Variants in SLC10A7 observed in about 807,000 individuals in gnomAD.
SLC10A7 encodes sodium/bile acid cotransporter 7.
SLC10A7 carries 29 observed loss-of-function variants against 43.2 expected under a neutral mutation model. The observed-to-expected ratio is 0.67, with a 90% CI of 0.50 to 0.92. The LOEUF (loss-of-function observed/expected upper bound fraction) is 0.92. Among genes scored for constraint, SLC10A7 ranks in the 40% least tolerant of loss-of-function variants. SLC10A7 has a pLI of 0.00. For synonymous variants in SLC10A7, 152 were observed against 144.8 expected (o/e 1.05, Z -0.35); for missense variants, 295 against 403.2 (o/e 0.73, Z 2.30).
rs139312208 is a variant in SLC10A7, at chr4:146,470,951, T to C, written c.397-28130A>G. Among the ~76,000 whole-genome samples, 675 of 152,324 alleles carry C rather than the reference T, an allele frequency of 4.4e-3. 6 individuals are homozygous for C. The highest frequency in any genetic ancestry group is 7.3e-3 in the Admixed American group (111 of 15,300). ...TCACTTCATGCAATAGGTACAATGC[T>C]AAGTAAAAAACATGAGATGTATTTA... On this transcript the variant is annotated intron_variant, in intron 4 of 11. Coordinates refer to ENST00000335472, the MANE Select transcript of SLC10A7 (RefSeq NM_001029998.6).
chr4:146,265,233 C>T lies in SLC10A7; in HGVS notation c.848-6396G>A, dbSNP rs142692189. Among the ~76,000 whole-genome samples the T allele has an allele frequency of 1.5e-3, 224 of 152,326 alleles. 2 individuals carry two copies. Among genetic ancestry groups the T allele is most frequent in the African/African-American group, 5.1e-3 (212 of 41,568 alleles). ...AGGTTTAGAGCAGTTAAGTACCTTG[C>T]CTAATGGCCTACGCTGGTATGCAGT... On this transcript the variant is annotated intron_variant, in intron 10 of 11. Transcript: ENST00000335472.
intron 4 of SLC10A7, among the ~76,000 whole-genome samples, chr4:146,484,824 T>C (rs1734778675): frequency 6.6e-6 from 1 of 152,206 alleles, no homozygotes; most frequent in African/African-American, 2.4e-5. Context: ...AAATTTTAAA[T>C]TAGATCAATT....
intron 9 of SLC10A7, among the ~76,000 whole-genome samples, chr4:146,291,070 T>C (rs1578801829): frequency 6.6e-6 from 1 of 152,176 alleles, no homozygotes; most frequent in Non-Finnish European, 1.5e-5. Flanking sequence ...TAGTGGCTGC[T>C]CTATGTTCTA....
chr4:146,350,936 A>G (rs373601146), intron 5 of SLC10A7, among the ~76,000 whole-genome samples: 3 of 146,504 alleles, frequency 2.0e-5, no homozygotes, highest in African/African-American at 7.8e-5. Flanking sequence ...TGGGGAAAAA[A>G]CAGAACAGAA....
intron 4 of SLC10A7, among the ~76,000 whole-genome samples, chr4:146,487,086 G>A (rs1734984393): frequency 6.6e-6 from 1 of 152,132 alleles, no homozygotes; most frequent in Admixed American, 6.5e-5. Context: ...TCTATAAGCA[G>A]CACCTTCTCT....
At chr4:146,347,669 A>G (rs1199911127) in intron 5 of SLC10A7, among the ~76,000 whole-genome samples, 1 of 152,196 alleles carries the variant, frequency 6.6e-6, no homozygotes, top group Non-Finnish European at 1.5e-5. Flanking sequence ...GCAAAAATGG[A>G]AAATTCAAAG....
intron 5 of SLC10A7, among the ~76,000 whole-genome samples, chr4:146,336,388 C>A (rs1578916818): frequency 6.6e-6 from 1 of 152,086 alleles, no homozygotes; most frequent in African/African-American, 2.4e-5. Context: ...CTTTGTAACT[C>A]CTTACAACCC....
chr4:146,260,784 C>T (rs1424800187), intron 10 of SLC10A7, among the ~76,000 whole-genome samples: 1 of 152,150 alleles, frequency 6.6e-6, no homozygotes, highest in African/African-American at 2.4e-5. Context: ...AGGGAGAGGG[C>T]CTGGCATGCA....
chr4:146,319,615 T>A (rs1732558298), intron 6 of SLC10A7, among the ~76,000 whole-genome samples: 1 of 152,080 alleles, frequency 6.6e-6, no homozygotes, highest in Non-Finnish European at 1.5e-5. Flanking sequence ...TGGGATGGTG[T>A]CTGGCATGCA....
intron 5 of SLC10A7, among the ~76,000 whole-genome samples, chr4:146,360,480 G>A (rs1447719688): frequency 6.6e-6 from 1 of 151,662 alleles, no homozygotes; most frequent in East Asian, 1.9e-4. Context: ...TTGCTTTGTT[G>A]CCCAGGCTGG....
At chr4:146,479,408 T>C (rs1734276021) in intron 4 of SLC10A7, among the ~76,000 whole-genome samples, 1 of 152,156 alleles carries the variant, frequency 6.6e-6, no homozygotes, top group Non-Finnish European at 1.5e-5. Context: ...GATGAAAATG[T>C]TCAGAAGATA....
intron 4 of SLC10A7, among the ~76,000 whole-genome samples, chr4:146,467,187 A>G (rs1432747704): frequency 3.9e-5 from 6 of 152,002 alleles, no homozygotes; most frequent in African/African-American, 1.5e-4. Context: ...TTTCCATTCC[A>G]TCTTCAGGGT....
chr4:146,393,737 T>C (rs1055887139), intron 5 of SLC10A7, among the ~76,000 whole-genome samples: 2 of 152,202 alleles, frequency 1.3e-5, no homozygotes, highest in Non-Finnish European at 2.9e-5. Context: ...AAGTTGAAAT[T>C]GGGATAAATT....
chr4:146,347,722 C>T (rs1228071956), intron 5 of SLC10A7, among the ~76,000 whole-genome samples: 1 of 152,106 alleles, frequency 6.6e-6, no homozygotes, highest in Non-Finnish European at 1.5e-5. Context: ...TGTTTGTGTA[C>T]TGGTGCTGTC....
intron 1 of SLC10A7, among the ~76,000 whole-genome samples, chr4:146,518,248 T>C (rs762467908): frequency 6.6e-6 from 1 of 152,354 alleles, no homozygotes; most frequent in Non-Finnish European, 1.5e-5. Flanking sequence ...TATACCTATA[T>C]AGCAGTGGTT....
chr4:146,342,593 T>C (rs921832671), intron 5 of SLC10A7, among the ~76,000 whole-genome samples: 2 of 151,706 alleles, frequency 1.3e-5, no homozygotes, highest in African/African-American at 4.8e-5. Flanking sequence ...AGTACTATTA[T>C]TAAAATTTAC....
At chr4:146,433,575 T>A (rs1463273673) in intron 5 of SLC10A7, among the ~76,000 whole-genome samples, 1 of 152,048 alleles carries the variant, frequency 6.6e-6, no homozygotes, top group Non-Finnish European at 1.5e-5. Flanking sequence ...TGTAAGATGA[T>A]AAATTGAGGG....
chr4:146,455,432 T>C (rs1731961813), intron 4 of SLC10A7, among the ~76,000 whole-genome samples: 1 of 151,898 alleles, frequency 6.6e-6, no homozygotes, highest in African/African-American at 2.4e-5. Flanking sequence ...CCACAAAACC[T>C]AAGTGACAGC....
chr4:146,424,097 G>A (rs992459693), intron 5 of SLC10A7, among the ~76,000 whole-genome samples: 4 of 152,180 alleles, frequency 2.6e-5, no homozygotes, highest in African/African-American at 9.7e-5. Context: ...TGTTGTCCAG[G>A]CTGGAGTGTA....
Sources: gnomAD v4.1 joint callset for allele counts (sites outside exome capture counted in the v4.1 genomes callset) on GRCh38, gnomAD v4.1.1 for gene constraint, MANE v1.5 for transcripts, NCBI Gene and HGNC (gene_info 2026-07-23, HGNC 2026-07-21) for gene names.